The following AHNAK variants were observed in gnomAD, a reference collection of about 807,000 sequenced individuals.
AHNAK encodes AHNAK nucleoprotein.
Under a neutral mutation model 37.8 loss-of-function variants are expected in AHNAK, and 23 were observed. That is an observed-to-expected ratio of 0.61 (90% CI 0.44 to 0.86). AHNAK has a LOEUF of 0.86. AHNAK is among the 40% of genes least tolerant of loss of function. The pLI is 0.00. For synonymous variants in AHNAK, 2,481 were observed against 2,636.3 expected, an observed-to-expected ratio of 0.94 and a Z score of 1.80; for missense variants, 7,411 against 7,319.4, an observed-to-expected ratio of 1.01 and a Z score of -0.46.
At chr11:62,511,904 C>T (rs1024870672), downstream of AHNAK, among the ~76,000 whole-genome samples, 1 of 151,934 alleles carries the variant, frequency 6.6e-6, no homozygotes, top group Admixed American at 6.6e-5. Flanking sequence ...GCTGGAGTGC[C>T]GTGGCACAAT....
In AHNAK at chr11:62,532,867, T is replaced by A; in HGVS notation, c.1550A>T (p.Asp517Val). Residue 517 changes from aspartate (D) to valine (V), a missense_variant, in exon 5 of 5, where the codon GAT becomes GTT. Coordinates refer to ENST00000378024, the MANE Select transcript of AHNAK (RefSeq NM_001620.3). ...CACCCCAGGAGCAGAAACCTTAATA[T>A]CTCCTTTCAGTTTAGGAGACCCAAG... ...LSLGSPKLKG[D>V]IKVSAPGVQG... is the part of the protein sequence containing the mutation. 1 of 1,614,024 alleles carries A rather than the reference T, an allele frequency of 6.2e-7. No homozygotes were observed. The highest frequency in any genetic ancestry group is 8.5e-7 in the Non-Finnish European group (1 of 1,180,004).
At chr11:62,443,424 C>G (rs1938356511) in intron 5 of AHNAK, among the ~76,000 whole-genome samples, 3 of 152,026 alleles carry the variant, frequency 2.0e-5, no homozygotes, top group Admixed American at 1.3e-4. Context: ...AGGCATGCAC[C>G]ACCACGCCTG....
At chr11:62,504,925 G>A (rs1040966467) in intron 4 of AHNAK, among the ~76,000 whole-genome samples, 6 of 152,138 alleles carry the variant, frequency 3.9e-5, no homozygotes, top group Non-Finnish European at 8.8e-5. Flanking sequence ...AAATAACCAC[G>A]TGAGAGACCC....
Position 62,528,439 on chromosome 11 carries a change from T to A in AHNAK, c.5978A>T (p.Asp1993Val). The A allele has an allele frequency of 6.2e-7, 1 of 1,613,702 alleles. No homozygotes were observed. Among genetic ancestry groups the A allele is most frequent in the South Asian group, 1.1e-5 (1 of 91,040 alleles). Residue 1993 changes from aspartate to valine, a missense_variant, in exon 5 of 5, where the codon GAT (aspartate) becomes GTT (valine). Coordinates refer to ENST00000378024, the MANE Select transcript of AHNAK (RefSeq NM_001620.3). ...HFKTPKISMP[D>V]VDLHLKGPKV... Reference sequence around the variant, plus strand: ...GGGGCCTTTCAGGTGTAAGTCCACATCAGGCATGGAGATCTTGGGGGTCTT... The same window carrying A: ...GGGGCCTTTCAGGTGTAAGTCCACAACAGGCATGGAGATCTTGGGGGTCTT...
chr11:62,442,260 T>G (rs1394238594), intron 5 of AHNAK, among the ~76,000 whole-genome samples: 1 of 152,126 alleles, frequency 6.6e-6, no homozygotes, highest in African/African-American at 2.4e-5. Flanking sequence ...ATAAATCTCT[T>G]TAGGGCCGGG....
rs962424816 is a variant in AHNAK, at chr11:62,519,530, T to C, written c.14887A>G (p.Ile4963Val). Reference protein sequence around the residue: ...SLDVHMDSPDINIEGPDVKIP... With the variant: ...SLDVHMDSPDVNIEGPDVKIP... Reference sequence around the variant, plus strand: ...TTAACATCTGGCCCTTCGATGTTAATATCTGGGCTGTCCATGTGTACATCT... The same window carrying C: ...TTAACATCTGGCCCTTCGATGTTAACATCTGGGCTGTCCATGTGTACATCT... Residue 4963 changes from isoleucine (I) to valine (V), a missense_variant, in exon 5 of 5, where the codon ATT (isoleucine) becomes GTT (valine). By Grantham distance (29) the Ile-to-Val change is conservative (BLOSUM62 3). Coordinates refer to ENST00000378024, the MANE Select transcript of AHNAK (RefSeq NM_001620.3). 5.6e-6 allele frequency: 9 copies of C among 1,613,036 alleles called. No individual in the cohort carries two copies. The highest frequency in any genetic ancestry group is 7.6e-6 in the Non-Finnish European group (9 of 1,179,618).
chr11:62,536,974 AG>A (rs1438120508), intron 1 of AHNAK, among the ~76,000 whole-genome samples: 1 of 145,984 alleles, frequency 6.9e-6, no homozygotes, highest in Non-Finnish European at 1.5e-5. Flanking sequence ...TTTTTTTTTG[AG>A]ACAGAGTCTC....
At position 62,531,791 on chromosome 11, in the gene AHNAK, T is replaced by G. The variant is rs1477443073; in HGVS notation, c.2626A>C (p.Lys876Gln). 6.2e-7 allele frequency: 1 copy of G among 1,613,606 alleles called. No individual in the cohort carries two copies. Among genetic ancestry groups the G allele is most frequent in the East Asian group, 2.2e-5 (1 of 44,836 alleles). The change falls in exon 5 of 5, where the codon AAG becomes CAG. Residue 876 changes from lysine to glutamine, a missense_variant. By Grantham distance (53) the Lys-to-Gln change is moderately conservative. Coordinates refer to ENST00000378024, the MANE Select transcript of AHNAK (RefSeq NM_001620.3). ...VEVQGPDWHL[K>Q]MPKMKMPKFS... ...TTGGGCATTTTCATCTTGGGCATCT[T>G]CAGGTGCCAGTCTGGGCCTTGAACC...
At chr11:62,444,754 G>C (rs1292551342) in intron 5 of AHNAK, among the ~76,000 whole-genome samples, 2 of 152,250 alleles carry the variant, frequency 1.3e-5, no homozygotes, top group East Asian at 3.8e-4. Flanking sequence ...CATCTGGGCA[G>C]ATGTGATGGC....
intron 1 of AHNAK, among the ~76,000 whole-genome samples, chr11:62,540,687 A>G (rs2134263671): frequency 6.6e-6 from 1 of 152,360 alleles, no homozygotes; most frequent in South Asian, 2.1e-4. Context: ...AAAAAGAAGG[A>G]GCAGGGCCAG....
intron 5 of AHNAK, among the ~76,000 whole-genome samples, chr11:62,451,336 T>C (rs1327651685): frequency 1.3e-5 from 2 of 150,974 alleles, no homozygotes; most frequent in East Asian, 1.9e-4. Context: ...ACTCGCCCTA[T>C]GTCCACTCTA....
chr11:62,544,858 C>G (rs1941256732), intron 1 of AHNAK, among the ~76,000 whole-genome samples: 1 of 152,198 alleles, frequency 6.6e-6, no homozygotes, highest in Non-Finnish European at 1.5e-5. Flanking sequence ...CCTTCCCCCA[C>G]TCTCAGCTTC....
At chr11:62,466,016 C>T (rs1292419645) in intron 5 of AHNAK, among the ~76,000 whole-genome samples, 1 of 152,120 alleles carries the variant, frequency 6.6e-6, no homozygotes, top group African/African-American at 2.4e-5. Context: ...TAATACAACC[C>T]TCAATTTATA....
rs150337979 is a variant in AHNAK at position 62,524,818 on chromosome 11, G to A, written c.9599C>T (p.Ala3200Val). 225 of 1,613,964 alleles carry A rather than the reference G, an allele frequency of 1.4e-4. No homozygotes were observed. In the African/African-American group the frequency reaches 2.1e-3, roughly 15 times the overall value. The change falls in exon 5 of 5, where the codon GCG (alanine) becomes GTG (valine). Residue 3200 changes from alanine (A) to valine (V), a missense_variant. Ala to Val is a moderately conservative substitution (Grantham distance 64). Coordinates refer to ENST00000378024, the MANE Select transcript of AHNAK (RefSeq NM_001620.3). The part of the protein sequence containing the change: ...VPDVNIEGPD[A>V]KLKGPKFKMP... Reference sequence around the variant, plus strand: ...CTTGAATTTAGGGCCCTTCAGTTTCGCATCTGGACCTTCAATATTCACATC... The same window carrying A: ...CTTGAATTTAGGGCCCTTCAGTTTCACATCTGGACCTTCAATATTCACATC...
At position 62,516,434 on chromosome 11, in the gene AHNAK, C is replaced by T. The variant is rs1940020354; in HGVS notation, c.*310G>A. The stretch of plus-strand genomic sequence containing the variant: ...GTTCAGTAAAAATGAGGATAATAAA[C>T]ACAAAAGCTTGCTTAGTAAACAGGA... On this transcript the variant is annotated 3_prime_UTR_variant, in exon 5 of 5. Coordinates refer to ENST00000378024, the MANE Select transcript of AHNAK (RefSeq NM_001620.3). The T allele has an allele frequency of 1.6e-6, 2 of 1,242,124 alleles. No individual in the cohort carries two copies. Among genetic ancestry groups the T allele is most frequent in the East Asian group, 4.8e-5 (1 of 20,662 alleles). The allele number at this position is 1,242,124 out of a possible 1,614,324, so 76.9% of individuals were successfully genotyped here.
At chr11:62,494,415 A>G (rs1229953178) in intron 4 of AHNAK, among the ~76,000 whole-genome samples, 5 of 152,086 alleles carry the variant, frequency 3.3e-5, no homozygotes, top group Admixed American at 3.3e-4. Context: ...TAATAATGGC[A>G]AACACATTGG....
chr11:62,513,459 C>T (rs1029729710), downstream of AHNAK, among the ~76,000 whole-genome samples: 4 of 151,958 alleles, frequency 2.6e-5, no homozygotes, highest in East Asian at 1.9e-4. Context: ...CTCTTGAACC[C>T]GGGAGGCGGA....
Position 62,531,907 on chromosome 11 carries a change from T to C in AHNAK, c.2510A>G (p.Asp837Gly), listed in dbSNP as rs1400529984. The part of the protein sequence containing the change: ...LKGPNVKGEY[D>G]VTMPKVESEI... ...ACTTTCAACCTTTGGCATTGTGACATCATATTCTCCCTTTACGTTAGGGCC... is the reference window on the plus strand; with the variant it reads ...ACTTTCAACCTTTGGCATTGTGACACCATATTCTCCCTTTACGTTAGGGCC... The change falls in exon 5 of 5, where the codon GAT (aspartate) becomes GGT (glycine). Residue 837 changes from aspartate to glycine, a missense_variant. Physicochemically the swap from Asp to Gly is moderately conservative, Grantham distance 94. Coordinates refer to ENST00000378024, the MANE Select transcript of AHNAK (RefSeq NM_001620.3). 11 of 1,613,268 alleles carry C rather than the reference T, an allele frequency of 6.8e-6. No individual in the cohort carries two copies. Among genetic ancestry groups the C allele is most frequent in the Non-Finnish European group, 9.3e-6 (11 of 1,179,866 alleles).
chr11:62,518,675 T>C lies in AHNAK; in HGVS notation c.15742A>G (p.Met5248Val). 1 of 1,614,108 alleles carries C rather than the reference T, an allele frequency of 6.2e-7. No individual in the cohort carries two copies. The highest frequency in any genetic ancestry group is 2.2e-5 in the East Asian group (1 of 44,880). ...TGGACCTCGGCTCCCCCACCCTCCA[T>C]TTTCACACCTGGGATGCCGATCTTG... ...MPKIGIPGVKMEGGGAEVHAQ... is the reference protein window; with the variant it reads ...MPKIGIPGVKVEGGGAEVHAQ... The change falls in exon 5 of 5, where the codon ATG (methionine) becomes GTG (valine). Residue 5248 changes from methionine (M) to valine (V), a missense_variant. By Grantham distance (21) the Met-to-Val change is conservative. Transcript: ENST00000378024.
Sources: gnomAD v4.1 joint callset for allele counts (sites outside exome capture counted in the v4.1 genomes callset) on GRCh38, gnomAD v4.1.1 for gene constraint, MANE v1.5 for transcripts, NCBI Gene and HGNC (gene_info 2026-07-23, HGNC 2026-07-21) for gene names.